Variants in SDK1 observed in about 807,000 individuals in gnomAD.
SDK1 encodes sidekick cell adhesion molecule 1.
SDK1 carries 157 observed loss-of-function variants against 245.5 expected under a neutral mutation model. That is an observed-to-expected ratio of 0.64 (90% confidence interval 0.56 to 0.73). The LOEUF (loss-of-function observed/expected upper bound fraction) is 0.73, where lower values mean the gene tolerates loss of function less well. Among genes scored for constraint, SDK1 ranks in the 30% least tolerant of loss-of-function variants. SDK1 has a pLI of 0.00. For synonymous variants in SDK1, 1,647 were observed against 1,278.5 expected, an observed-to-expected ratio of 1.29 and a Z score of -6.15; for missense variants, 3,583 against 3,002.3, an observed-to-expected ratio of 1.19 and a Z score of -4.52.
At chr7:3,405,781 G>A (rs1225376683) in intron 1 of SDK1, among the ~76,000 whole-genome samples, 3 of 147,752 alleles carry the variant, frequency 2.0e-5, no homozygotes, top group Non-Finnish European at 4.5e-5. Flanking sequence ...GTGTAGTTCT[G>A]TTGTGCTTAA....
At chr7:4,158,388 T>C in intron 30 of SDK1, 60 bp from the exon 31 acceptor site, 1 of 1,373,752 alleles carries the variant, frequency 7.3e-7, no homozygotes. Flanking sequence ...TCACCAGGAA[T>C]GCCTGAGGGC....
chr7:4,106,973 A>G (rs1293797361), intron 22 of SDK1, among the ~76,000 whole-genome samples: 1 of 152,000 alleles, frequency 6.6e-6, no homozygotes, highest in Non-Finnish European at 1.5e-5. Context: ...CCAGGAAAGC[A>G]GCCAGACAGA....
chr7:4,067,087 C>T (rs992066918), intron 19 of SDK1, among the ~76,000 whole-genome samples: 1 of 152,170 alleles, frequency 6.6e-6, no homozygotes, highest in African/African-American at 2.4e-5. Flanking sequence ...ACAATTTATT[C>T]TTATAATTGT....
intron 1 of SDK1, among the ~76,000 whole-genome samples, chr7:3,587,271 A>G (rs1032215817): frequency 1.3e-4 from 20 of 151,506 alleles, no homozygotes; most frequent in African/African-American, 4.6e-4. Context: ...TGCTGTTTGT[A>G]TTAGTCAAGA....
intron 7 of SDK1, among the ~76,000 whole-genome samples, chr7:3,953,079 G>A (rs1279182610): frequency 6.6e-6 from 1 of 151,526 alleles, no homozygotes; most frequent in African/African-American, 2.4e-5. Flanking sequence ...TTGGGAAAAA[G>A]GGGAATTGAG....
chr7:4,207,749 C>G (rs1053849776), intron 36 of SDK1, among the ~76,000 whole-genome samples: 1 of 152,138 alleles, frequency 6.6e-6, no homozygotes, highest in African/African-American at 2.4e-5. Context: ...AGAGCTAGGT[C>G]TGCAAGGAAA....
At chr7:4,257,366 ACTTC>A (rs1787700063) in intron 44 of SDK1, among the ~76,000 whole-genome samples, 1 of 152,184 alleles carries the variant, frequency 6.6e-6, no homozygotes, top group Non-Finnish European at 1.5e-5. Flanking sequence ...ACACGTTGCT[ACTTC>A]ACATCACACA....
At chr7:3,409,499 A>G (rs538273280) in intron 1 of SDK1, among the ~76,000 whole-genome samples, 6 of 152,080 alleles carry the variant, frequency 3.9e-5, no homozygotes, top group Admixed American at 1.3e-4. Flanking sequence ...TTTTCATCAA[A>G]TTTTATACAA....
chr7:3,378,923 C>T (rs1408979915), intron 1 of SDK1, among the ~76,000 whole-genome samples: 2 of 152,080 alleles, frequency 1.3e-5, no homozygotes, highest in African/African-American at 2.4e-5. Context: ...GCTCACCGAC[C>T]TCCCACCCCT....
chr7:3,388,478 G>A (rs570156211), intron 1 of SDK1, among the ~76,000 whole-genome samples: 6 of 151,674 alleles, frequency 4.0e-5, no homozygotes, highest in African/African-American at 1.2e-4. Flanking sequence ...ATAGCTCATT[G>A]TATTCTCAAA....
chr7:3,543,048 A>G (rs948931887), intron 1 of SDK1, among the ~76,000 whole-genome samples: 2 of 152,206 alleles, frequency 1.3e-5, no homozygotes, highest in Non-Finnish European at 2.9e-5. Context: ...TCTCATCTCC[A>G]TCTGGGACAA....
chr7:3,751,935 T>G (rs544636332), intron 4 of SDK1, among the ~76,000 whole-genome samples: 1 of 152,262 alleles, frequency 6.6e-6, no homozygotes, highest in East Asian at 1.9e-4. Flanking sequence ...TTACAAACAA[T>G]GGGGAAGAGA....
chr7:3,939,780 G>A (rs560299760), intron 5 of SDK1, among the ~76,000 whole-genome samples: 44 of 152,326 alleles, frequency 2.9e-4, no homozygotes, highest in Middle Eastern at 6.8e-3. Flanking sequence ...AAAGAGATCC[G>A]ACACACCTGT....
chr7:3,909,741 G>T (rs1028320432), intron 5 of SDK1, among the ~76,000 whole-genome samples: 17 of 152,214 alleles, frequency 1.1e-4, no homozygotes, highest in Admixed American at 6.5e-4. Flanking sequence ...AGGGATTAAA[G>T]AACCATCCGT....
chr7:3,392,961 A>ATTTTTT lies in SDK1; in HGVS notation c.298+91091_298+91096dup, dbSNP rs572782966. Reference sequence around the variant, plus strand: ...GTATCTGTTTGAGTCCCTGTTTTAAATTTTTTTTTTTTTTTTTTTCTTTTT... The same window carrying ATTTTTT: ...GTATCTGTTTGAGTCCCTGTTTTAAATTTTTTTTTTTTTTTTTTTTTTTTTCTTTTT... On this transcript the variant is annotated intron_variant, in intron 1 of 44. Coordinates refer to ENST00000404826, the MANE Select transcript of SDK1 (RefSeq NM_152744.4). Among the ~76,000 whole-genome samples the ATTTTTT allele has an allele frequency of 7.3e-4, 64 of 87,094 alleles. 1 individual carries two copies. The highest frequency in any genetic ancestry group is 1.4e-3 in the African/African-American group (28 of 20,652). The allele number at this position is 87,094 out of a possible 152,430, so 57.1% of individuals were successfully genotyped here.
At chr7:3,502,199 C>CT (rs1017269421) in intron 1 of SDK1, among the ~76,000 whole-genome samples, 19 of 151,104 alleles carry the variant, frequency 1.3e-4, no homozygotes, top group South Asian at 1.1e-3. Context: ...TAAAATTTTT[C>CT]TTTTTTTTCA....
chr7:3,472,411 C>T (rs1399731150), intron 1 of SDK1, among the ~76,000 whole-genome samples: 1 of 151,980 alleles, frequency 6.6e-6, no homozygotes, highest in East Asian at 1.9e-4. Context: ...TTTTTCCTGC[C>T]TGAAGAGGTT....
At chr7:4,100,496 C>T (rs942532932) in intron 22 of SDK1, among the ~76,000 whole-genome samples, 4 of 152,078 alleles carry the variant, frequency 2.6e-5, no homozygotes, top group Admixed American at 1.3e-4. Flanking sequence ...GAAATCCTCA[C>T]CCCCAAGGCG....
At chr7:3,416,004 C>T (rs541925298) in intron 1 of SDK1, among the ~76,000 whole-genome samples, 1 of 152,248 alleles carries the variant, frequency 6.6e-6, no homozygotes, top group East Asian at 1.9e-4. Flanking sequence ...AGAGCAGTTC[C>T]ATATGACACG....
Sources: gnomAD v4.1 joint callset for allele counts (sites outside exome capture counted in the v4.1 genomes callset) on GRCh38, gnomAD v4.1.1 for gene constraint, MANE v1.5 for transcripts, NCBI Gene and HGNC (gene_info 2026-07-23, HGNC 2026-07-21) for gene names.